The following UNC80 variants were observed in gnomAD, a reference collection of about 807,000 sequenced individuals.
UNC80 encodes protein unc-80 homolog.
In UNC80, 164 loss-of-function variants were observed where a neutral mutation model predicts 384.6. The observed-to-expected ratio is 0.43, with a 90% CI of 0.38 to 0.49. The LOEUF (loss-of-function observed/expected upper bound fraction) is 0.49, where lower values mean the gene tolerates loss of function less well. Ranked by LOEUF, UNC80 falls within the 20% of genes least tolerant of loss-of-function variation. The pLI is 0.00. For missense variants in UNC80, 3,330 were observed against 4,143.0 expected, an observed-to-expected ratio of 0.80 and a Z score of 5.39; for synonymous variants, 1,486 against 1,527.8, an observed-to-expected ratio of 0.97 and a Z score of 0.64.
chr2:209,959,720 C>T lies in UNC80; in HGVS notation c.7805+13C>T. The stretch of plus-strand genomic sequence containing the variant: ...AGTCTCACATGAGGTACTGGCCTCG[C>T]TTTCCCTGCCCCAAGTGTGAACACA... On this transcript the variant is annotated intron_variant, in intron 51 of 64. Coordinates refer to ENST00000673920, the MANE Select transcript of UNC80 (RefSeq NM_001371986.1). The T allele has an allele frequency of 1.9e-6, 3 of 1,549,180 alleles. No individual in the cohort carries two copies. Among genetic ancestry groups the T allele is most frequent in the Non-Finnish European group, 2.6e-6 (3 of 1,146,020 alleles).
chr2:209,969,355 G>A (rs1209339030), intron 52 of UNC80: 2 of 163,902 alleles, frequency 1.2e-5, no homozygotes, highest in African/African-American at 4.8e-5. Context: ...TCAAATTAGT[G>A]GTAGTCTGGT....
At chr2:209,787,745 T>A (rs985166176) in intron 5 of UNC80, among the ~76,000 whole-genome samples, 4 of 152,248 alleles carry the variant, frequency 2.6e-5, no homozygotes, top group African/African-American at 7.2e-5. Context: ...TAATACTTTA[T>A]AATAATAACC....
chr2:209,852,120 G>A (rs2082576133), intron 22 of UNC80, among the ~76,000 whole-genome samples: 1 of 152,006 alleles, frequency 6.6e-6, no homozygotes, highest in Admixed American at 6.6e-5. Context: ...CCTGCATCTG[G>A]AAGTAATGAG....
Position 209,943,743 on chromosome 2 carries a change from G to A in UNC80, c.7050+229G>A, listed in dbSNP as rs185053920. Among the ~76,000 whole-genome samples the A allele has an allele frequency of 3.9e-5, 6 of 152,312 alleles. No homozygotes were observed. In the East Asian group the frequency reaches 1.2e-3, roughly 29 times the overall value. ...GGGGAAGCTGCAGGTGAACTAACTA[G>A]TAGTTGGGCATCTTATATGATGGGT... On this transcript the variant is annotated intron_variant, in intron 45 of 64. Coordinates refer to ENST00000673920, the MANE Select transcript of UNC80 (RefSeq NM_001371986.1).
intron 22 of UNC80, among the ~76,000 whole-genome samples, chr2:209,852,381 GTGA>G (rs1288598677): frequency 8.5e-5 from 13 of 152,076 alleles, no homozygotes; most frequent in African/African-American, 3.1e-4. Context: ...AAAGGCATAG[GTGA>G]TGATGGTGGT....
At chr2:209,798,432 G>T (rs2078306275) in intron 7 of UNC80, among the ~76,000 whole-genome samples, 1 of 152,096 alleles carries the variant, frequency 6.6e-6, no homozygotes, top group African/African-American at 2.4e-5. Flanking sequence ...TTTCCCCATT[G>T]CTTGTTTTTG....
chr2:209,915,404 CA>C (rs5838189), intron 31 of UNC80, among the ~76,000 whole-genome samples: 31,069 of 77,022 alleles, frequency 0.4, 2,331 homozygotes, highest in East Asian at 0.46. Flanking sequence ...GACTCTGTCT[CA>C]AAAAAAAAAA....
Position 209,888,190 on chromosome 2 carries a change from A to G in UNC80, c.4206A>G (p.Glu1402=), listed in dbSNP as rs1219672013. The part of the protein sequence containing the change: ...ISFAGVLDEN[E]DSKDSLHSSS... ...TTGCTGGGGTCCTGGACGAAAATGA[A>G]GACTCAAAAGATTCTCTCCACAGCA... The change falls in exon 26 of 65, where the codon GAA becomes GAG. Residue 1402 remains glutamate (E), a synonymous_variant. Transcript: ENST00000673920. 11 of 1,551,694 alleles carry G rather than the reference A, an allele frequency of 7.1e-6. No individual in the cohort carries two copies. The Middle Eastern group carries it at 8.3e-4, about 118-fold the overall frequency.
intron 45 of UNC80, among the ~76,000 whole-genome samples, chr2:209,944,778 G>A (rs1239769791): frequency 1.3e-5 from 2 of 152,000 alleles, no homozygotes; most frequent in Admixed American, 1.3e-4. Flanking sequence ...CCATTGATAT[G>A]AACTTTTTGG....
intron 16 of UNC80, 53 bp downstream of exon 16, chr2:209,831,644 A>G (rs2080977257): frequency 1.4e-6 from 2 of 1,440,834 alleles, no homozygotes; most frequent in African/African-American, 1.4e-5. Flanking sequence ...GCCCTGAGAA[A>G]AGTACTCATT....
intron 41 of UNC80, 68 bp downstream of exon 41, chr2:209,937,001 C>T: frequency 8.9e-7 from 1 of 1,124,472 alleles, no homozygotes; most frequent in Non-Finnish European, 1.3e-6. Context: ...CTGAGGGTGG[C>T]TCACAGTCAG....
At chr2:209,968,638 A>G (rs1174150537) in intron 52 of UNC80, 1 of 152,190 alleles carries the variant, frequency 6.6e-6, no homozygotes, top group Admixed American at 6.5e-5. Flanking sequence ...TTGTTTTAAA[A>G]CACTATTTCT....
chr2:209,781,033 G>A (rs2077129529), intron 4 of UNC80, among the ~76,000 whole-genome samples: 1 of 152,136 alleles, frequency 6.6e-6, no homozygotes, highest in Non-Finnish European at 1.5e-5. Context: ...TCCTTTCCTT[G>A]ATTTTTCCCC....
At chr2:209,965,173 C>T (rs907401706) in intron 51 of UNC80, among the ~76,000 whole-genome samples, 2 of 151,984 alleles carry the variant, frequency 1.3e-5, no homozygotes, top group African/African-American at 4.8e-5. Flanking sequence ...CAGTGGCTCA[C>T]ACCTGTAATC....
chr2:209,823,121 G>A (rs955259011), intron 13 of UNC80, among the ~76,000 whole-genome samples: 1 of 152,108 alleles, frequency 6.6e-6, no homozygotes, highest in East Asian at 1.9e-4. Flanking sequence ...AGATAGAAAG[G>A]AAGATCTAAT....
At chr2:209,933,759 G>A in intron 38 of UNC80, 63 bp from the exon 39 acceptor site, 1 of 1,415,728 alleles carries the variant, frequency 7.1e-7, no homozygotes, top group Non-Finnish European at 9.5e-7. Flanking sequence ...AAAAGCTAAG[G>A]AAATGAGAAT....
chr2:209,933,692 G>C (rs776832172), intron 38 of UNC80, 130 bp from the exon 39 acceptor site: 15 of 704,034 alleles, frequency 2.1e-5, no homozygotes, highest in African/African-American at 7.3e-5. Context: ...GAAAGTGTTA[G>C]AGAAGCATCT....
At position 209,869,240 on chromosome 2, in the gene UNC80, C is replaced by T. The variant is rs181806495; in HGVS notation, c.3628-3518C>T. On this transcript the variant is annotated intron_variant, in intron 22 of 64. Transcript: ENST00000673920. ...ATTGCACTGAGCCATAAGAGGTAAGCTCCATCAAAAGAGGGAAAATTGACT... is the reference window on the plus strand; with the variant it reads ...ATTGCACTGAGCCATAAGAGGTAAGTTCCATCAAAAGAGGGAAAATTGACT... 8 of 152,288 alleles carry T rather than the reference C, an allele frequency of 5.3e-5. No homozygotes were observed. In the East Asian group the frequency reaches 1.5e-3, roughly 29 times the overall value. 9.4% of individuals were successfully genotyped at this position (152,288 alleles called of 1,614,324 possible). A position where few individuals can be genotyped will look rare whatever the true frequency, so the allele number is the denominator to read the frequency against.
At chr2:209,937,009 C>G in intron 41 of UNC80, 76 bp downstream of exon 41, 2 of 1,006,854 alleles carry the variant, frequency 2.0e-6, no homozygotes, top group Non-Finnish European at 3.0e-6. Context: ...GGCTCACAGT[C>G]AGGGAGGCAT....
Sources: gnomAD v4.1 joint callset for allele counts (sites outside exome capture counted in the v4.1 genomes callset) on GRCh38, gnomAD v4.1.1 for gene constraint, MANE v1.5 for transcripts, NCBI Gene and HGNC (gene_info 2026-07-23, HGNC 2026-07-21) for gene names.